Variants in IPO7 observed in about 807,000 individuals in gnomAD.
IPO7 encodes the protein importin-7.
A neutral mutation model predicts 136.4 loss-of-function variants in IPO7; 13 were observed. The observed-to-expected ratio is 0.10, with a 90% confidence interval of 0.06 to 0.15. The LOEUF is 0.15. Ranked by LOEUF, IPO7 falls within the 10% of genes least tolerant of loss-of-function variation. The pLI, the probability that IPO7 is intolerant of heterozygous loss-of-function variation, is 1.00. For synonymous variants in IPO7, 403 were observed against 404.4 expected (o/e 1.00, Z 0.04); for missense variants, 857 against 1,240.6 (o/e 0.69, Z 4.65).
intron 1 of IPO7, among the ~76,000 whole-genome samples, chr11:9,400,118 T>C (rs1854771714): frequency 6.6e-6 from 1 of 152,218 alleles, no homozygotes; most frequent in Non-Finnish European, 1.5e-5. Flanking sequence ...CCTAATACAA[T>C]GTAAATGCTA....
intron 1 of IPO7, among the ~76,000 whole-genome samples, chr11:9,389,717 A>C (rs1267504074): frequency 1.3e-5 from 2 of 152,064 alleles, no homozygotes; most frequent in Admixed American, 6.5e-5. Flanking sequence ...TTAAACTCTT[A>C]GTTCCTAAGC....
intron 2 of IPO7, among the ~76,000 whole-genome samples, chr11:9,407,524 C>T (rs764651601): frequency 1.3e-5 from 2 of 152,144 alleles, no homozygotes; most frequent in Non-Finnish European, 2.9e-5. Flanking sequence ...CACTGCACTC[C>T]AGCCTGGTGA....
chr11:9,433,360 C>T, intron 16 of IPO7: 1 of 514,050 alleles, frequency 1.9e-6, no homozygotes, highest in Non-Finnish European at 3.4e-6. Context: ...TTAAGCTAGC[C>T]ATTCCTTGTG....
At chr11:9,418,124 G>A (rs1855068478) in intron 6 of IPO7, among the ~76,000 whole-genome samples, 1 of 151,742 alleles carries the variant, frequency 6.6e-6, no homozygotes, top group Non-Finnish European at 1.5e-5. Context: ...AGGCTGGAGT[G>A]CAGTGGTGCG....
intron 16 of IPO7, among the ~76,000 whole-genome samples, chr11:9,432,986 A>G (rs1439812350): frequency 1.2e-5 from 1 of 84,630 alleles, no homozygotes; most frequent in Non-Finnish European, 3.0e-5. Context: ...TATCTTCCAA[A>G]TGGTTTTTTT....
chr11:9,417,714 T>A (rs1244166537), intron 6 of IPO7, among the ~76,000 whole-genome samples: 1 of 150,926 alleles, frequency 6.6e-6, no homozygotes, highest in Non-Finnish European at 1.5e-5. Flanking sequence ...TTTTCTTTTT[T>A]CTTTTTTTTT....
chr11:9,445,095 A>G lies in IPO7; in HGVS notation c.3020-2A>G, dbSNP rs774216535. On this transcript the variant is annotated splice_acceptor_variant, in intron 24 of 24. Coordinates refer to ENST00000379719, the MANE Select transcript of IPO7 (RefSeq NM_006391.3). LOFTEE classifies it high-confidence loss of function. Reference sequence around the variant, plus strand: ...CCTACTAAAATTTTATTTGTTTTCTAGAATCCAAAATGATTGAGAAGCATG... The same window carrying G: ...CCTACTAAAATTTTATTTGTTTTCTGGAATCCAAAATGATTGAGAAGCATG... 6.2e-7 allele frequency: 1 copy of G among 1,602,036 alleles called. No individual in the cohort carries two copies. Among genetic ancestry groups the G allele is most frequent in the Non-Finnish European group, 8.6e-7 (1 of 1,169,242 alleles).
chr11:9,433,502 A>G, intron 16 of IPO7, 68 bp from the exon 17 acceptor site: 3 of 1,027,108 alleles, frequency 2.9e-6, no homozygotes, highest in African/African-American at 1.6e-5. Flanking sequence ...CTGAATTATA[A>G]TATGCGTTGT....
chr11:9,409,319 C>T (rs542415787), intron 3 of IPO7, among the ~76,000 whole-genome samples: 2 of 151,846 alleles, frequency 1.3e-5, no homozygotes, highest in South Asian at 2.1e-4. Flanking sequence ...ATGTTGGCCA[C>T]GCTGGTCTGG....
chr11:9,398,757 G>A (rs141187611), intron 1 of IPO7, among the ~76,000 whole-genome samples: 7 of 152,206 alleles, frequency 4.6e-5, no homozygotes, highest in African/African-American at 1.7e-4. Context: ...TCTGCTTCTA[G>A]CTATTTGAAA....
chr11:9,409,601 A>AAC (rs1854939675), intron 3 of IPO7, among the ~76,000 whole-genome samples: 1 of 151,748 alleles, frequency 6.6e-6, no homozygotes. Flanking sequence ...GATGGTCTTG[A>AAC]TCCCTTGACC....
At chr11:9,393,361 G>A (rs1854663136) in intron 1 of IPO7, among the ~76,000 whole-genome samples, 1 of 152,056 alleles carries the variant, frequency 6.6e-6, no homozygotes, top group Non-Finnish European at 1.5e-5. Flanking sequence ...GTTGCTTGTG[G>A]TTAGTGGTTA....
chr11:9,438,443 G>C (rs1855414332), intron 22 of IPO7, among the ~76,000 whole-genome samples, 158 bp downstream of exon 22: 1 of 152,012 alleles, frequency 6.6e-6, no homozygotes. Flanking sequence ...TGGCCAGTAT[G>C]GTGAAACCCC....
chr11:9,436,180 C>T, intron 19 of IPO7, 91 bp from the exon 20 acceptor site: 1 of 780,738 alleles, frequency 1.3e-6, no homozygotes, highest in Non-Finnish European at 2.2e-6. Context: ...ATACTCAGAG[C>T]CTGTACACAG....
chr11:9,386,441 T>C (rs944897141), intron 1 of IPO7, among the ~76,000 whole-genome samples: 1 of 152,170 alleles, frequency 6.6e-6, no homozygotes, highest in Non-Finnish European at 1.5e-5. Flanking sequence ...TGAAAATTAT[T>C]TTGCTTATTA....
intron 1 of IPO7, among the ~76,000 whole-genome samples, chr11:9,395,837 C>G (rs903465960): frequency 1.3e-5 from 2 of 151,974 alleles, no homozygotes; most frequent in Non-Finnish European, 2.9e-5. Flanking sequence ...CTGCCTCAGC[C>G]TCCCAAGTAG....
Position 9,410,973 on chromosome 11 carries a change from TTC to T in IPO7, c.479+891_479+892del, listed in dbSNP as rs1312723768. Among the ~76,000 whole-genome samples the T allele has an allele frequency of 2.6e-5, 4 of 152,218 alleles. No homozygotes were observed. In the East Asian group the frequency reaches 7.7e-4, roughly 29 times the overall value. ...AGTGGCTGATGAACTGCTGCTTTTA[TTC>T]TCTGAGCAGGAGAGAAATATACCAT... On this transcript the variant is annotated intron_variant, in intron 4 of 24. Coordinates refer to ENST00000379719, the MANE Select transcript of IPO7 (RefSeq NM_006391.3).
intron 6 of IPO7, among the ~76,000 whole-genome samples, chr11:9,418,363 C>G (rs1184442103): frequency 6.6e-6 from 1 of 152,154 alleles, no homozygotes; most frequent in African/African-American, 2.4e-5. Context: ...GCCACCGTGC[C>G]TAGCCTATTT....
At chr11:9,432,201 C>CTT (rs557417149) in intron 16 of IPO7, among the ~76,000 whole-genome samples, 58 of 134,844 alleles carry the variant, frequency 4.3e-4, no homozygotes, top group African/African-American at 1.0e-3. Flanking sequence ...TTTCACTAAA[C>CTT]TTTTTTTTTT....
Sources: gnomAD v4.1 joint callset for allele counts (sites outside exome capture counted in the v4.1 genomes callset) on GRCh38, gnomAD v4.1.1 for gene constraint, MANE v1.5 for transcripts, NCBI Gene and HGNC (gene_info 2026-07-23, HGNC 2026-07-21) for gene names.